ZNG1B: variants seen among roughly 807,000 people sequenced by gnomAD.
The protein encoded by ZNG1B is Zn regulated GTPase metalloprotein activator 1B, also known as zinc-regulated GTPase metalloprotein activator 1B.
the ZNG1B span, among the ~76,000 whole-genome samples, chr2:113,451,024 T>C: frequency 5.3e-5 from 8 of 152,084 alleles, no homozygotes. Flanking sequence ...TCATTCGACC[T>C]CAGACCTCTC....
chr2:113,470,762 AGCTG>A, the ZNG1B span: 1 of 483,444 alleles, frequency 2.1e-6, no homozygotes, highest in African/African-American at 2.0e-5. Flanking sequence ...TCTGTTCTTT[AGCTG>A]ATTTTTTAGC....
At chr2:113,444,292 C>T in the ZNG1B span, 1 of 216,172 alleles carries the variant, frequency 4.6e-6, no homozygotes, top group Non-Finnish European at 9.4e-6. Flanking sequence ...CTACCATAGA[C>T]CCTAGAAGAG....
the ZNG1B span, among the ~76,000 whole-genome samples, chr2:113,472,069 A>G: frequency 6.8e-6 from 1 of 147,840 alleles, no homozygotes. Context: ...ACTGACTTCC[A>G]CAATGGTTGA....
chr2:113,487,153 A>G, the ZNG1B span, among the ~76,000 whole-genome samples: 2 of 152,244 alleles, frequency 1.3e-5, no homozygotes, highest in African/African-American at 4.8e-5. Context: ...ACTGTCACAC[A>G]AATACTTACC....
the ZNG1B span, among the ~76,000 whole-genome samples, chr2:113,439,312 G>C: frequency 3.3e-5 from 5 of 150,870 alleles, no homozygotes; most frequent in Admixed American, 1.3e-4. Context: ...TCTTTTTAAG[G>C]CTCCCTCCTC....
chr2:113,482,004 A>G, the ZNG1B span: 2 of 939,254 alleles, frequency 2.1e-6, no homozygotes, highest in Non-Finnish European at 3.1e-6. Context: ...AAAAAAACTT[A>G]ATCTGCCAGC....
At chr2:113,438,999 A>G in the ZNG1B span, 2 of 1,052,422 alleles carry the variant, frequency 1.9e-6, no homozygotes, top group Non-Finnish European at 2.8e-6. Context: ...AAAGGAATTT[A>G]TTTTTGGCGT....
chr2:113,488,601 T>C, the ZNG1B span, among the ~76,000 whole-genome samples: 1 of 128,064 alleles, frequency 7.8e-6, no homozygotes, highest in Non-Finnish European at 1.7e-5. Context: ...AATGTAAAGA[T>C]ATAAAAAAAA....
chr2:113,489,499 G>C, the ZNG1B span, among the ~76,000 whole-genome samples: 1 of 151,990 alleles, frequency 6.6e-6, no homozygotes, highest in Non-Finnish European at 1.5e-5. Context: ...ATGATGAATA[G>C]AGTGGTACCT....
At chr2:113,439,799 C>G in the ZNG1B span, among the ~76,000 whole-genome samples, 1 of 151,756 alleles carries the variant, frequency 6.6e-6, no homozygotes. Context: ...TTGTGCATCT[C>G]CTATTGAATA....
chr2:113,446,665 C>G, the ZNG1B span, among the ~76,000 whole-genome samples: 34,982 of 136,034 alleles, frequency 0.26, 4,973 homozygotes, highest in East Asian at 0.49. Flanking sequence ...AGAATCACTT[C>G]AAAGCTGGGA....
At chr2:113,468,094 T>A in the ZNG1B span, among the ~76,000 whole-genome samples, 1 of 151,334 alleles carries the variant, frequency 6.6e-6, no homozygotes, top group Non-Finnish European at 1.5e-5. Context: ...GGAAGCAGGT[T>A]TGGAAAATGT....
chr2:113,450,121 G>A, the ZNG1B span, among the ~76,000 whole-genome samples: 1 of 150,556 alleles, frequency 6.6e-6, no homozygotes, highest in Non-Finnish European at 1.5e-5. Context: ...TTGAAATTCA[G>A]TAATATAAAC....
chr2:113,481,994 A>T, the ZNG1B span: 25 of 929,380 alleles, frequency 2.7e-5, no homozygotes, highest in East Asian at 3.7e-4. Flanking sequence ...AAGAAATTTT[A>T]AAAAAACTTA....
At chr2:113,437,781 C>G in the ZNG1B span, 2 of 1,572,932 alleles carry the variant, frequency 1.3e-6, no homozygotes, top group African/African-American at 2.7e-5. Context: ...CCGGGCAGGC[C>G]GGGAGTGGCG....
chr2:113,490,082 A>G, the ZNG1B span, among the ~76,000 whole-genome samples: 9 of 148,440 alleles, frequency 6.1e-5, no homozygotes, highest in African/African-American at 1.0e-4. Context: ...CAGCACATGA[A>G]CTTTCTGTAA....
At chr2:113,450,569 A>G in the ZNG1B span, among the ~76,000 whole-genome samples, 1 of 136,968 alleles carries the variant, frequency 7.3e-6, no homozygotes, top group Non-Finnish European at 1.5e-5. Flanking sequence ...CTTCATTATG[A>G]TGAAGTTGTT....
At chr2:113,458,363 A>G in the ZNG1B span, among the ~76,000 whole-genome samples, 232 of 152,146 alleles carry the variant, frequency 1.5e-3, no homozygotes, top group African/African-American at 5.2e-3. Context: ...TTATTTTTTA[A>G]ATGTTTGTAT....
the ZNG1B span, among the ~76,000 whole-genome samples, chr2:113,446,449 G>A: frequency 2.0e-5 from 3 of 152,158 alleles, no homozygotes; most frequent in African/African-American, 7.2e-5. Context: ...TCTCACTATT[G>A]TGATATACAA....
Sources: gnomAD v4.1 joint callset for allele counts (sites outside exome capture counted in the v4.1 genomes callset) on GRCh38, gnomAD v4.1.1 for gene constraint, MANE v1.5 for transcripts, NCBI Gene and HGNC (gene_info 2026-07-23, HGNC 2026-07-21) for gene names.